Variants in TBX15 observed in about 807,000 individuals in gnomAD.
TBX15 encodes the protein T-box transcription factor TBX15.
In TBX15, 18 loss-of-function variants were observed where a neutral mutation model predicts 53.9. The ratio of observed to expected loss-of-function variants is 0.33; its 90% CI spans 0.23 to 0.49. TBX15 has a LOEUF of 0.49. Ranked by LOEUF, TBX15 falls within the 20% of genes least tolerant of loss-of-function variation. The probability of loss-of-function intolerance (pLI) is 0.98; values close to 1 mark genes in which losing one functional copy is unlikely to be tolerated. For missense variants in TBX15, 692 were observed against 749.5 expected (o/e 0.92, Z 0.90); for synonymous variants, 295 against 278.0 (o/e 1.06, Z -0.61).
intron 1 of TBX15, among the ~76,000 whole-genome samples, chr1:118,964,995 G>A (rs1656994199): frequency 6.6e-6 from 1 of 152,244 alleles, no homozygotes. Flanking sequence ...GCCGTTCTTT[G>A]AAATGGTTTG....
Position 118,924,666 on chromosome 1 carries a change from C to T in TBX15, c.673G>A (p.Glu225Lys). ...CTCACATGTCCTTGATCATCCAACT[C>T]ATTGTTGGTAAGCTTGAGTTTGTCA... is the stretch of plus-strand genomic sequence containing the variant. ...SFDKLKLTNN[E>K]LDDQGHIILH... is the part of the protein sequence containing the mutation. The change falls in exon 4 of 8, where the codon GAG becomes AAG. Residue 225 changes from glutamate to lysine, a missense_variant. Glu to Lys is a moderately conservative substitution (Grantham distance 56). Transcript: ENST00000369429. 5 of 1,614,018 alleles carry T rather than the reference C, an allele frequency of 3.1e-6. No homozygotes were observed. The highest frequency in any genetic ancestry group is 3.4e-6 in the Non-Finnish European group (4 of 1,179,920).
chr1:118,984,726 C>T (rs926112323), intron 1 of TBX15, among the ~76,000 whole-genome samples: 1 of 152,192 alleles, frequency 6.6e-6, no homozygotes, highest in Non-Finnish European at 1.5e-5. Flanking sequence ...AGACCCTTCT[C>T]CAAAGTCTGG....
At chr1:118,986,214 G>A (rs1236729258) in intron 1 of TBX15, among the ~76,000 whole-genome samples, 1 of 152,150 alleles carries the variant, frequency 6.6e-6, no homozygotes, top group Non-Finnish European at 1.5e-5. Context: ...GAGGAAATAG[G>A]GTCTGGCCAG....
At chr1:118,914,876 A>G (rs1182394655) in intron 5 of TBX15, among the ~76,000 whole-genome samples, 1 of 152,206 alleles carries the variant, frequency 6.6e-6, no homozygotes, top group Non-Finnish European at 1.5e-5. Context: ...CAAATCAGAA[A>G]CAAAGAGCCA....
chr1:118,919,305 A>T (rs1318285953), intron 5 of TBX15, among the ~76,000 whole-genome samples: 1 of 152,244 alleles, frequency 6.6e-6, no homozygotes, highest in Non-Finnish European at 1.5e-5. Context: ...AGATTCTTCT[A>T]AGAAAAAGCA....
Position 118,910,241 on chromosome 1 carries a change from T to C in TBX15, c.926+3874A>G, listed in dbSNP as rs773636515. ...TTGTGTTCTGCAAAACCAAAAAACA[T>C]TGGACAAGCACTTTCCCTCCTAATT... On this transcript the variant is annotated intron_variant, in intron 6 of 7. Coordinates refer to ENST00000369429, the MANE Select transcript of TBX15 (RefSeq NM_001330677.2). 1.6e-4 allele frequency among the ~76,000 whole-genome samples: 25 copies of C among 152,176 alleles called. No individual in the cohort carries two copies. In the East Asian group the frequency reaches 3.1e-3, roughly 19 times the overall value.
intron 1 of TBX15, among the ~76,000 whole-genome samples, chr1:118,942,326 G>T (rs1656209596): frequency 1.3e-5 from 2 of 152,212 alleles, no homozygotes; most frequent in Non-Finnish European, 2.9e-5. Flanking sequence ...CTGGAACAGT[G>T]TCTGGCACCT....
intron 1 of TBX15, among the ~76,000 whole-genome samples, chr1:118,937,577 G>A (rs2101626664): frequency 6.6e-6 from 1 of 152,338 alleles, no homozygotes; most frequent in Non-Finnish European, 1.5e-5. Context: ...TATGTGAAAT[G>A]TGTAAGCTGA....
At chr1:118,893,257 AGAAAGAAAGGAAGAAGGAAGGAAG>A (rs1654215610) in intron 7 of TBX15, among the ~76,000 whole-genome samples, 1 of 139,686 alleles carries the variant, frequency 7.2e-6, no homozygotes, top group African/African-American at 2.7e-5. Context: ...AAAGAAAGGA[AGAAAGAAAGGAAGAAGGAAGGAAG>A]GAAGGAAGGA....
At chr1:118,919,783 A>G (rs1655362458) in intron 5 of TBX15, among the ~76,000 whole-genome samples, 1 of 152,170 alleles carries the variant, frequency 6.6e-6, no homozygotes, top group Non-Finnish European at 1.5e-5. Context: ...CCATTATTTG[A>G]GCAATCAACA....
chr1:118,981,354 G>A (rs1657646528), intron 1 of TBX15, among the ~76,000 whole-genome samples: 1 of 148,958 alleles, frequency 6.7e-6, no homozygotes, highest in Admixed American at 6.7e-5. Flanking sequence ...GCAGTTTCTT[G>A]TCCCAAATTT....
At chr1:118,892,035 A>G (rs1372690523) in intron 7 of TBX15, among the ~76,000 whole-genome samples, 2 of 152,218 alleles carry the variant, frequency 1.3e-5, no homozygotes, top group Non-Finnish European at 1.5e-5. Context: ...GAATGGTAGG[A>G]CTAGACTATG....
rs137992537 is a variant in TBX15, at chr1:118,886,467, G to A, written c.1025-951C>T. Among the ~76,000 whole-genome samples the A allele has an allele frequency of 1.0e-3, 158 of 152,200 alleles. 1 individual carries two copies. Among genetic ancestry groups the A allele is most frequent in the African/African-American group, 3.6e-3 (149 of 41,510 alleles). ...AGATGAGGAATTAACTTAGATCAGC[G>A]GTTCTCAGGCATAGAGGACCTGGCA... On this transcript the variant is annotated intron_variant, in intron 7 of 7. Transcript: ENST00000369429.
chr1:118,955,356 C>G (rs781459196), intron 1 of TBX15, among the ~76,000 whole-genome samples: 1 of 152,172 alleles, frequency 6.6e-6, no homozygotes, highest in Non-Finnish European at 1.5e-5. Flanking sequence ...TAAACTAACA[C>G]AGAAAAACTT....
At position 118,883,406 on chromosome 1, in the gene TBX15, G is replaced by C. The variant is rs1653794302; in HGVS notation, c.*1326C>G. The C allele has an allele frequency of 6.6e-6, 1 of 152,540 alleles. No homozygotes were observed. The highest frequency in any genetic ancestry group is 6.5e-5 in the Admixed American group (1 of 15,286). 9.4% of individuals were successfully genotyped at this position (152,540 alleles called of 1,614,324 possible). A position where few individuals can be genotyped will look rare whatever the true frequency, so the allele number is the denominator to read the frequency against. ...AAAACCCAAAACTTCAAAATGCAAT[G>C]TACTATTTGATAAAAATGGAGATCT... is the stretch of plus-strand genomic sequence containing the variant. On this transcript the variant is annotated 3_prime_UTR_variant, in exon 8 of 8. Coordinates refer to ENST00000369429, the MANE Select transcript of TBX15 (RefSeq NM_001330677.2).
intron 5 of TBX15, among the ~76,000 whole-genome samples, chr1:118,914,547 T>G (rs1336580235): frequency 1.3e-5 from 2 of 152,284 alleles, no homozygotes; most frequent in Admixed American, 6.5e-5. Flanking sequence ...AAAAAATGCT[T>G]GTTGAATGAG....
intron 1 of TBX15, among the ~76,000 whole-genome samples, chr1:118,954,336 T>C (rs1045295855): frequency 1.3e-5 from 2 of 152,072 alleles, no homozygotes; most frequent in Non-Finnish European, 1.5e-5. Flanking sequence ...ACAGATAAAT[T>C]AAGATCAAGG....
At chr1:118,907,051 C>T (rs1339552724) in intron 6 of TBX15, among the ~76,000 whole-genome samples, 1 of 152,136 alleles carries the variant, frequency 6.6e-6, no homozygotes, top group Non-Finnish European at 1.5e-5. Flanking sequence ...ATGGTGGATT[C>T]GAAAGAGAAA....
rs1411543771 is a variant in TBX15, at chr1:118,987,477, T to C, written c.205+114A>G. 6 of 1,283,358 alleles carry C rather than the reference T, an allele frequency of 4.7e-6. No homozygotes were observed. In the South Asian group the frequency reaches 6.1e-5, roughly 13 times the overall value. The allele number at this position is 1,283,358 out of a possible 1,614,324, so 79.5% of individuals were successfully genotyped here. A position where few individuals can be genotyped will look rare whatever the true frequency, so the allele number is the denominator to read the frequency against. On this transcript the variant is annotated intron_variant, in intron 1 of 7. Transcript: ENST00000369429. ...TTGCGCGAAGAAACAGAAACCTATG[T>C]TGGGGCAAGGCAGGGCGTCAATGGC...
Sources: gnomAD v4.1 joint callset for allele counts (sites outside exome capture counted in the v4.1 genomes callset) on GRCh38, gnomAD v4.1.1 for gene constraint, MANE v1.5 for transcripts, NCBI Gene and HGNC (gene_info 2026-07-23, HGNC 2026-07-21) for gene names.